Variants in SLC17A8 observed in about 807,000 individuals in gnomAD.
SLC17A8 encodes solute carrier family 17 member 8, also known as vesicular glutamate transporter 3.
A neutral mutation model predicts 58.0 loss-of-function variants in SLC17A8; 31 were observed. That is an observed-to-expected ratio of 0.53 (90% CI 0.40 to 0.72). The LOEUF is 0.72. SLC17A8 is among the 30% of genes least tolerant of loss of function. The pLI, the probability that SLC17A8 is intolerant of heterozygous loss-of-function variation, is 0.00. For missense variants in SLC17A8, 655 were observed against 727.8 expected (o/e 0.90, Z 1.15); for synonymous variants, 228 against 249.0 (o/e 0.92, Z 0.79).
At chr12:100,383,981 C>T (rs1952655563) in intron 2 of SLC17A8, among the ~76,000 whole-genome samples, 1 of 152,204 alleles carries the variant, frequency 6.6e-6, no homozygotes, top group Non-Finnish European at 1.5e-5. Context: ...CTGGGACAAG[C>T]ATGCACCACT....
chr12:100,420,085 A>G lies in SLC17A8; in HGVS notation c.1696A>G (p.Arg566Gly), dbSNP rs1015479817. The G allele has an allele frequency of 1.2e-6, 2 of 1,614,160 alleles. No homozygotes were observed. The highest frequency in any genetic ancestry group is 1.7e-6 in the Non-Finnish European group (2 of 1,180,004). Residue 566 changes from arginine to glycine, a missense_variant, in exon 12 of 12, where the codon AGA becomes GGA. By Grantham distance (125) the Arg-to-Gly change is moderately radical. Coordinates refer to ENST00000323346, the MANE Select transcript of SLC17A8 (RefSeq NM_139319.3). The part of the protein sequence containing the change: ...EVQKKEWKGQ[R>G]GATLDEEELT... ...CCAGAAGAAGGAATGGAAAGGACAG[A>G]GAGGAGCGACCCTTGATGAGGAAGA...
chr12:100,411,737 C>A (rs910145775), intron 9 of SLC17A8, among the ~76,000 whole-genome samples: 5 of 151,916 alleles, frequency 3.3e-5, no homozygotes, highest in Non-Finnish European at 5.9e-5. Flanking sequence ...TCATAATTTC[C>A]TCATTCTTTT....
In SLC17A8 at chr12:100,372,822, C is replaced by A. The variant is rs528643485; in HGVS notation, c.102-7879C>A. 3.9e-5 allele frequency among the ~76,000 whole-genome samples: 6 copies of A among 152,316 alleles called. No individual in the cohort carries two copies. In the South Asian group the frequency reaches 1.0e-3, roughly 26 times the overall value. ...TCAAGGGATCCTCCTGCCTCAGCGT[C>A]CCAAACTGCTAGGATTGCAGGCGTG... On this transcript the variant is annotated intron_variant, in intron 1 of 11. Transcript: ENST00000323346.
At chr12:100,400,852 A>G (rs548356963) in intron 5 of SLC17A8, among the ~76,000 whole-genome samples, 128 of 152,244 alleles carry the variant, frequency 8.4e-4, no homozygotes, top group Admixed American at 2.7e-3. Context: ...TATCTTGTCT[A>G]GACAAGATAA....
Position 100,420,160 on chromosome 12 carries a change from T to C in SLC17A8, c.*1T>C, listed in dbSNP as rs150236899. On this transcript the variant is annotated 3_prime_UTR_variant, in exon 12 of 12. Coordinates refer to ENST00000323346, the MANE Select transcript of SLC17A8 (RefSeq NM_139319.3). ...GAGAAACTTCTCAACTATATCCTAA[T>C]GTCTGAGAGGCACTTCTGTCTTCTC... The C allele has an allele frequency of 1.2e-6, 2 of 1,608,328 alleles. No homozygotes were observed. Among genetic ancestry groups the C allele is most frequent in the Non-Finnish European group, 1.7e-6 (2 of 1,176,388 alleles).
intron 1 of SLC17A8, among the ~76,000 whole-genome samples, chr12:100,358,369 G>C (rs576977687): frequency 2.6e-5 from 4 of 152,226 alleles, no homozygotes; most frequent in Admixed American, 2.6e-4. Flanking sequence ...GCCATCTGGT[G>C]TGTCCTTTTA....
chr12:100,385,457 T>C (rs1952667878), intron 2 of SLC17A8, among the ~76,000 whole-genome samples: 1 of 152,014 alleles, frequency 6.6e-6, no homozygotes, highest in South Asian at 2.1e-4. Flanking sequence ...AGGCTGGTCT[T>C]GAACTCCTGA....
chr12:100,385,033 C>T (rs1055751470), intron 2 of SLC17A8, among the ~76,000 whole-genome samples: 4 of 151,714 alleles, frequency 2.6e-5, no homozygotes, highest in East Asian at 3.9e-4. Flanking sequence ...TCTGTGACTC[C>T]GTGGGACTTA....
intron 1 of SLC17A8, among the ~76,000 whole-genome samples, chr12:100,364,047 CAAAAA>C (rs3057169): frequency 1.9e-5 from 1 of 52,998 alleles, no homozygotes; most frequent in Non-Finnish European, 3.7e-5. Context: ...GATTCCATCT[CAAAAA>C]AAAAAAAAAA....
At chr12:100,395,369 G>A (rs1002158518) in intron 4 of SLC17A8, among the ~76,000 whole-genome samples, 2 of 146,894 alleles carry the variant, frequency 1.4e-5, no homozygotes, top group Non-Finnish European at 3.0e-5. Flanking sequence ...CTGTGTCACC[G>A]AGGCTGGAGG....
chr12:100,357,754 A>T (rs770454832), intron 1 of SLC17A8, among the ~76,000 whole-genome samples: 1 of 152,184 alleles, frequency 6.6e-6, no homozygotes, highest in Non-Finnish European at 1.5e-5. Context: ...GGAGATGATG[A>T]TATTGCATAT....
Position 100,420,114 on chromosome 12 carries a change from G to A in SLC17A8, c.1725G>A (p.Leu575=), listed in dbSNP as rs1358300868. ...QRGATLDEEE[L]TSYQNEERNF... ...GAGCGACCCTTGATGAGGAAGAGCT[G>A]ACATCCTACCAGAATGAAGAGAGAA... Residue 575 remains leucine, a synonymous_variant, in exon 12 of 12, where the codon CTG becomes CTA. Transcript: ENST00000323346. The A allele has an allele frequency of 6.2e-7, 1 of 1,613,930 alleles. No homozygotes were observed. The highest frequency in any genetic ancestry group is 1.7e-5 in the Admixed American group (1 of 60,020).
intron 2 of SLC17A8, among the ~76,000 whole-genome samples, chr12:100,384,787 C>CCCTG (rs1952661171): frequency 6.6e-6 from 1 of 152,142 alleles, no homozygotes; most frequent in African/African-American, 2.4e-5. Flanking sequence ...GCAGGACAGG[C>CCCTG]CCTGCCAGAA....
At chr12:100,379,232 C>T (rs574554315) in intron 1 of SLC17A8, among the ~76,000 whole-genome samples, 3 of 151,850 alleles carry the variant, frequency 2.0e-5, no homozygotes, top group African/African-American at 7.3e-5. Context: ...GTCAGGAGAT[C>T]GAAACCATCC....
intron 3 of SLC17A8, among the ~76,000 whole-genome samples, chr12:100,392,350 G>A (rs1200387209): frequency 6.6e-6 from 1 of 152,066 alleles, no homozygotes; most frequent in Non-Finnish European, 1.5e-5. Flanking sequence ...TTGCACATAA[G>A]GGTAAATATT....
intron 5 of SLC17A8, among the ~76,000 whole-genome samples, chr12:100,401,420 T>A (rs1361609933): frequency 3.3e-5 from 5 of 152,140 alleles, no homozygotes; most frequent in Admixed American, 2.6e-4. Context: ...ATTTTGTATG[T>A]TCCTTTGCTT....
At chr12:100,408,120 G>T (rs556284197) in intron 9 of SLC17A8, among the ~76,000 whole-genome samples, 2 of 152,242 alleles carry the variant, frequency 1.3e-5, no homozygotes, top group East Asian at 3.9e-4. Flanking sequence ...AATTTTGGTT[G>T]GCTTTTTGGT....
chr12:100,385,632 G>A (rs529798195), intron 2 of SLC17A8, among the ~76,000 whole-genome samples: 12 of 152,290 alleles, frequency 7.9e-5, no homozygotes, highest in African/African-American at 2.4e-4. Flanking sequence ...TCTCAGAAGT[G>A]TGAGCAGACA....
At chr12:100,378,462 C>G (rs548354133) in intron 1 of SLC17A8, among the ~76,000 whole-genome samples, 2 of 151,986 alleles carry the variant, frequency 1.3e-5, no homozygotes, top group African/African-American at 2.4e-5. Flanking sequence ...GAATTGAAGA[C>G]AGTCATTTCT....
Sources: gnomAD v4.1 joint callset for allele counts (sites outside exome capture counted in the v4.1 genomes callset) on GRCh38, gnomAD v4.1.1 for gene constraint, MANE v1.5 for transcripts, NCBI Gene and HGNC (gene_info 2026-07-23, HGNC 2026-07-21) for gene names.